Variants in ATAD2 observed in about 807,000 individuals in gnomAD.
ATAD2 encodes the protein ATPase family AAA domain-containing protein 2.
Under a neutral mutation model 168.9 loss-of-function variants are expected in ATAD2, and 62 were observed. The ratio of observed to expected loss-of-function variants is 0.37; its 90% confidence interval spans 0.30 to 0.45. The LOEUF (loss-of-function observed/expected upper bound fraction) is 0.45, where lower values mean the gene tolerates loss of function less well. Among genes scored for constraint, ATAD2 ranks in the 20% least tolerant of loss-of-function variants. The pLI is 1.00. For synonymous variants in ATAD2, 613 were observed against 571.6 expected (o/e 1.07, Z -1.03); for missense variants, 1,419 against 1,667.8 (o/e 0.85, Z 2.60).
At chr8:123,366,641 C>T (rs940330030) in intron 8 of ATAD2, among the ~76,000 whole-genome samples, 3 of 152,112 alleles carry the variant, frequency 2.0e-5, no homozygotes, top group Non-Finnish European at 4.4e-5. Flanking sequence ...AACCAAACAT[C>T]GTATGTTCCA....
At chr8:123,344,698 A>G (rs944610403) in intron 19 of ATAD2, 186 bp downstream of exon 19, 7 of 622,154 alleles carry the variant, frequency 1.1e-5, no homozygotes, top group Non-Finnish European at 1.9e-5. Context: ...ATATATACAT[A>G]CACATATACA....
upstream of ATAD2, among the ~76,000 whole-genome samples, chr8:123,397,920 G>A (rs560684200): frequency 6.6e-6 from 1 of 152,268 alleles, no homozygotes; most frequent in South Asian, 2.1e-4. Context: ...GCGGGAAGCA[G>A]GAAGGGGAGA....
intron 19 of ATAD2, among the ~76,000 whole-genome samples, chr8:123,344,343 A>AC (rs1828159320): frequency 6.9e-6 from 1 of 145,892 alleles, no homozygotes; most frequent in Non-Finnish European, 1.5e-5. Context: ...TTTTTTAAAT[A>AC]CTTTTTTTTT....
rs771284203 is a variant in ATAD2 at position 123,333,915 on chromosome 8, T to C, written c.3441A>G (p.Leu1147=). ...AAGCCACAGGAGTACTCGGTGTCTT[T>C]AGCTTTTCATTCTGCTCTGGGTCTG... ...KRSDPEQNEK[L]KTPSTPVACS... is the part of the protein sequence containing the mutation. The change falls in exon 24 of 28, where the codon CTA becomes CTG. Residue 1147 remains leucine, a synonymous_variant. Transcript: ENST00000287394. 1.1e-5 allele frequency: 17 copies of C among 1,614,024 alleles called. No homozygotes were observed. Among genetic ancestry groups the C allele is most frequent in the Admixed American group, 1.7e-5 (1 of 60,004 alleles).
chr8:123,322,694 A>T (rs1034834383), intron 27 of ATAD2, among the ~76,000 whole-genome samples: 1 of 152,158 alleles, frequency 6.6e-6, no homozygotes, highest in Non-Finnish European at 1.5e-5. Context: ...ATAAACAAAC[A>T]AACTAATTAA....
intron 9 of ATAD2, 70 bp from the exon 10 acceptor site, chr8:123,359,755 A>C (rs1343688242): frequency 9.7e-7 from 1 of 1,032,768 alleles, no homozygotes; most frequent in African/African-American, 1.6e-5. Context: ...TCCATGTTTG[A>C]ATATAAACAT....
intron 2 of ATAD2, among the ~76,000 whole-genome samples, chr8:123,375,905 A>G (rs1829293340): frequency 6.6e-6 from 1 of 151,796 alleles, no homozygotes; most frequent in Non-Finnish European, 1.5e-5. Context: ...CAAGAGTTCA[A>G]GACCAGCCTG....
chr8:123,376,145 C>G (rs906991433), intron 2 of ATAD2, among the ~76,000 whole-genome samples: 2 of 151,092 alleles, frequency 1.3e-5, no homozygotes, highest in Non-Finnish European at 2.9e-5. Context: ...GTAGCTCATG[C>G]CTGTAATCCC....
chr8:123,328,234 G>T lies in ATAD2; in HGVS notation c.3824C>A (p.Ser1275Tyr). 1 of 1,475,014 alleles carries T rather than the reference G, an allele frequency of 6.8e-7. No homozygotes were observed. The allele number at this position is 1,475,014 out of a possible 1,614,324, so 91.4% of individuals were successfully genotyped here. A position where few individuals can be genotyped will look rare whatever the true frequency, so the allele number is the denominator to read the frequency against. Residue 1275 changes from serine (S) to tyrosine (Y), a missense_variant, in exon 25 of 28, where the codon TCT becomes TAT. By Grantham distance (144) the Ser-to-Tyr change is moderately radical (BLOSUM62 -2). Transcript: ENST00000287394. ...AGAAATATGTATTATCTGAGAGCTA[G>T]AAGCATCTCCATTACAAGCAATCTT... The part of the protein sequence containing the change: ...RDKIACNGDA[S>Y]SSQIIHISDE...
chr8:123,327,936 A>G (rs981622906), intron 25 of ATAD2, among the ~76,000 whole-genome samples: 18 of 152,328 alleles, frequency 1.2e-4, no homozygotes, highest in African/African-American at 4.1e-4. Context: ...CAGGCTGACA[A>G]GTTAAGTATC....
At chr8:123,335,713 G>A (rs1316668734) in intron 22 of ATAD2, among the ~76,000 whole-genome samples, 1 of 152,124 alleles carries the variant, frequency 6.6e-6, no homozygotes, top group Non-Finnish European at 1.5e-5. Context: ...TGTATGGGGT[G>A]CAAGTGTAAT....
chr8:123,333,154 C>T (rs1475545015), intron 24 of ATAD2, among the ~76,000 whole-genome samples: 9 of 140,596 alleles, frequency 6.4e-5, no homozygotes, highest in Admixed American at 1.6e-4. Context: ...TTTGGGAGGC[C>T]GAGGTGGGTG....
chr8:123,323,746 T>C (rs1827535013), intron 26 of ATAD2, among the ~76,000 whole-genome samples: 1 of 152,196 alleles, frequency 6.6e-6, no homozygotes, highest in Admixed American at 6.5e-5. Flanking sequence ...ATACATTAAA[T>C]AGTCACCTCC....
chr8:123,343,088 G>A (rs1447300147), intron 19 of ATAD2, among the ~76,000 whole-genome samples: 1 of 151,516 alleles, frequency 6.6e-6, no homozygotes, highest in Admixed American at 6.6e-5. Flanking sequence ...GGGTTCAAGC[G>A]ATTCTCCCAC....
chr8:123,382,737 T>C (rs1829527897), intron 1 of ATAD2, among the ~76,000 whole-genome samples: 1 of 152,206 alleles, frequency 6.6e-6, no homozygotes, highest in Non-Finnish European at 1.5e-5. Flanking sequence ...GGCACAATTT[T>C]ACACAGTTAG....
upstream of ATAD2, among the ~76,000 whole-genome samples, chr8:123,399,464 G>A (rs985038710): frequency 1.3e-5 from 2 of 152,100 alleles, no homozygotes; most frequent in African/African-American, 4.8e-5. Context: ...AAATAAACAA[G>A]GTAACTTCAT....
At chr8:123,398,763 C>A (rs1213441429), upstream of ATAD2, among the ~76,000 whole-genome samples, 1 of 151,652 alleles carries the variant, frequency 6.6e-6, no homozygotes, top group Non-Finnish European at 1.5e-5. Flanking sequence ...CCACAGCCTC[C>A]CAAAGCCTGG....
At chr8:123,384,780 T>C (rs892792678) in intron 1 of ATAD2, among the ~76,000 whole-genome samples, 3 of 152,230 alleles carry the variant, frequency 2.0e-5, no homozygotes, top group African/African-American at 7.2e-5. Flanking sequence ...ATACAAAGAT[T>C]AGCGAAACAA....
intron 1 of ATAD2, 22 bp from the exon 2 acceptor site, chr8:123,380,699 C>T (rs1251502217): frequency 6.3e-7 from 1 of 1,591,274 alleles, no homozygotes; most frequent in South Asian, 1.1e-5. Flanking sequence ...ATTAAGAAAG[C>T]CATCTAAGTT....
Sources: allele counts gnomAD v4.1 joint callset (sites outside exome capture counted in the v4.1 genomes callset), GRCh38; gene constraint gnomAD v4.1.1; transcripts MANE v1.5; gene names NCBI Gene and HGNC (gene_info 2026-07-23, HGNC 2026-07-21).